Variants in DMTF1 observed in about 807,000 individuals in gnomAD.
DMTF1 encodes cyclin D binding myb like transcription factor 1, also known as cyclin-D-binding Myb-like transcription factor 1.
In DMTF1, 39 loss-of-function variants were observed where a neutral mutation model predicts 91.1. The ratio of observed to expected loss-of-function variants is 0.43; its 90% CI spans 0.33 to 0.56. DMTF1 has a LOEUF of 0.56. Among genes scored for constraint, DMTF1 ranks in the 20% least tolerant of loss-of-function variants. The pLI is 0.05. For missense variants in DMTF1, 750 were observed against 914.5 expected, an observed-to-expected ratio of 0.82 and a Z score of 2.32; for synonymous variants, 338 against 309.5, an observed-to-expected ratio of 1.09 and a Z score of -0.97.
chr7:87,153,287 G>A (rs1024352540), intron 1 of DMTF1, among the ~76,000 whole-genome samples: 3 of 152,134 alleles, frequency 2.0e-5, no homozygotes, highest in Admixed American at 1.3e-4. Context: ...GGTGGAGCAC[G>A]GAAAATGCGG....
At chr7:87,173,901 A>G (rs1181830804) in intron 6 of DMTF1, among the ~76,000 whole-genome samples, 1 of 152,206 alleles carries the variant, frequency 6.6e-6, no homozygotes, top group Non-Finnish European at 1.5e-5. Context: ...TTTTTGAACA[A>G]ATGCATAGTG....
At chr7:87,155,950 C>T (rs1035590778) in intron 1 of DMTF1, among the ~76,000 whole-genome samples, 1 of 151,682 alleles carries the variant, frequency 6.6e-6, no homozygotes, top group Admixed American at 6.6e-5. Context: ...CACTTCCCAT[C>T]AGGTGTTACG....
intron 11 of DMTF1, chr7:87,184,851 G>A (rs1156832021): frequency 1.6e-6 from 1 of 638,574 alleles, no homozygotes. Context: ...GTACCAGATT[G>A]AAGGCGTGGA....
At chr7:87,164,641 C>T (rs1034625768) in intron 2 of DMTF1, among the ~76,000 whole-genome samples, 2 of 152,132 alleles carry the variant, frequency 1.3e-5, no homozygotes, top group African/African-American at 2.4e-5. Flanking sequence ...GCTGATAAGA[C>T]GGATTCTCTT....
intron 7 of DMTF1, among the ~76,000 whole-genome samples, chr7:87,174,999 C>CTTTGT (rs545263368): frequency 1.1e-4 from 17 of 150,146 alleles, no homozygotes; most frequent in African/African-American, 2.4e-4. Context: ...AGGTATGCAT[C>CTTTGT]TTTGTTTTGT....
rs114733859 is a variant in DMTF1, at chr7:87,161,214, G to A, written c.-131-2281G>A. Among the ~76,000 whole-genome samples, 496 of 151,976 alleles carry A rather than the reference G, an allele frequency of 3.3e-3. 3 individuals carry two copies. The highest frequency in any genetic ancestry group is 0.011 in the African/African-American group (463 of 41,482). ...GAGTCAAGAACATATTTAGGATGAC[G>A]GGACCAGGCACATTGGCTCACGCCT... On this transcript the variant is annotated intron_variant, in intron 1 of 17. Transcript: ENST00000331242.
intron 1 of DMTF1, among the ~76,000 whole-genome samples, chr7:87,161,245 C>A (rs1160125420): frequency 3.9e-5 from 6 of 152,132 alleles, no homozygotes; most frequent in Non-Finnish European, 8.8e-5. Flanking sequence ...CGCCTGTAAT[C>A]CCAACACTTT....
At chr7:87,185,750 G>A (rs1325802330) in intron 11 of DMTF1, 79 bp from the exon 12 acceptor site, 11 of 1,493,422 alleles carry the variant, frequency 7.4e-6, no homozygotes, top group Non-Finnish European at 2.8e-6. Context: ...ATTTGCCAGT[G>A]CAATTACCTG....
intron 1 of DMTF1, among the ~76,000 whole-genome samples, chr7:87,162,430 A>C (rs1792693126): frequency 6.6e-6 from 1 of 152,150 alleles, no homozygotes; most frequent in African/African-American, 2.4e-5. Context: ...TTTCAATCTG[A>C]GCAGATTCTA....
chr7:87,159,202 A>G (rs577099428), intron 1 of DMTF1, among the ~76,000 whole-genome samples: 81 of 152,194 alleles, frequency 5.3e-4, no homozygotes, highest in Non-Finnish European at 1.0e-3. Flanking sequence ...AGACTAGAAA[A>G]TTAAAGCTAT....
chr7:87,193,442 C>T, intron 15 of DMTF1, 89 bp downstream of exon 15: 2 of 1,339,878 alleles, frequency 1.5e-6, no homozygotes, highest in South Asian at 2.5e-5. Context: ...GTTATCTAAA[C>T]AGTTCTTCCT....
chr7:87,188,878 A>G (rs1467456297), intron 13 of DMTF1, among the ~76,000 whole-genome samples: 3 of 152,140 alleles, frequency 2.0e-5, no homozygotes, highest in Admixed American at 6.5e-5. Context: ...GTATAAGTCA[A>G]ATTGATCTTT....
chr7:87,156,000 A>G (rs146903737), intron 1 of DMTF1, among the ~76,000 whole-genome samples: 2 of 152,256 alleles, frequency 1.3e-5, no homozygotes, highest in East Asian at 1.9e-4. Flanking sequence ...GTGCCGGTGT[A>G]TATTTTAGTA....
chr7:87,173,506 T>C, intron 5 of DMTF1, 29 bp from the exon 6 acceptor site: 1 of 1,481,292 alleles, frequency 6.8e-7, no homozygotes, highest in Non-Finnish European at 9.3e-7. Flanking sequence ...TTGTTTTGTT[T>C]TGTTTTGTTT....
Position 87,194,001 on chromosome 7 carries a change from C to CTGA in DMTF1, c.1931_1933dup (p.Met644dup). 6.2e-7 allele frequency: 1 copy of CTGA among 1,613,260 alleles called. No homozygotes were observed. Among genetic ancestry groups the CTGA allele is most frequent in the Non-Finnish European group, 8.5e-7 (1 of 1,179,560 alleles). ...ATTCAGTGACCAAAATAGCACAGAA[C>CTGA]TGATGAATAGTGTTATGGTCAGAAC... On this transcript the variant is annotated inframe_insertion, in exon 16 of 18. Coordinates refer to ENST00000331242, the MANE Select transcript of DMTF1 (RefSeq NM_001142327.2).
At chr7:87,189,719 T>C (rs575011072) in intron 13 of DMTF1, among the ~76,000 whole-genome samples, 3 of 152,234 alleles carry the variant, frequency 2.0e-5, no homozygotes, top group South Asian at 2.1e-4. Context: ...ATGAGCCAGA[T>C]AGTAAATATT....
At chr7:87,166,363 T>TA (rs1230924983) in intron 3 of DMTF1, 120 bp from the exon 4 acceptor site, 1 of 999,356 alleles carries the variant, frequency 1.0e-6, no homozygotes, top group Non-Finnish European at 1.4e-6. Flanking sequence ...TAGGTTTAGT[T>TA]AAATGAGCAA....
intron 2 of DMTF1, among the ~76,000 whole-genome samples, chr7:87,164,057 A>G (rs1466794551): frequency 8.1e-5 from 1 of 12,304 alleles, no homozygotes; most frequent in Non-Finnish European, 2.5e-4. Flanking sequence ...CCTTCTCTAA[A>G]AAAAAAAAAA....
chr7:87,166,442 C>G (rs781422110), intron 3 of DMTF1, 41 bp from the exon 4 acceptor site: 18 of 1,581,054 alleles, frequency 1.1e-5, no homozygotes, highest in Non-Finnish European at 1.4e-5. Context: ...TATTTTCCCT[C>G]TTTGGTTTGA....
Sources: gnomAD v4.1 joint callset for allele counts (sites outside exome capture counted in the v4.1 genomes callset) on GRCh38, gnomAD v4.1.1 for gene constraint, MANE v1.5 for transcripts, NCBI Gene and HGNC (gene_info 2026-07-23, HGNC 2026-07-21) for gene names.